RBFOX1: variants seen among roughly 807,000 people sequenced by gnomAD.
RBFOX1 encodes RNA binding protein fox-1 homolog 1.
In RBFOX1, 8 loss-of-function variants were observed where a neutral mutation model predicts 57.7. The observed-to-expected ratio is 0.14, with a 90% CI of 0.08 to 0.25. The LOEUF is 0.25. RBFOX1 is among the 10% of genes least tolerant of loss of function. The pLI, the probability that RBFOX1 is intolerant of heterozygous loss-of-function variation, is 1.00. For synonymous variants in RBFOX1, 326 were observed against 222.4 expected (o/e 1.47, Z -4.15); for missense variants, 611 against 548.5 (o/e 1.11, Z -1.14).
intron 1 of RBFOX1, among the ~76,000 whole-genome samples, chr16:6,307,508 A>G (rs1478669880): frequency 6.7e-6 from 1 of 149,586 alleles, no homozygotes; most frequent in Admixed American, 6.7e-5. Context: ...ATACATATGT[A>G]AATAATAGTC....
intron 3 of RBFOX1, among the ~76,000 whole-genome samples, chr16:6,944,469 C>A (rs1017783598): frequency 6.6e-6 from 1 of 151,542 alleles, no homozygotes; most frequent in Non-Finnish European, 1.5e-5. Context: ...CCCTGCCTTA[C>A]ATGACTTATC....
rs542332830 is a variant in RBFOX1, at chr16:5,449,836, G to T, written c.220-17380G>T. Among the ~76,000 whole-genome samples the T allele has an allele frequency of 3.9e-5, 6 of 152,152 alleles. No homozygotes were observed. The East Asian group carries it at 1.2e-3, about 29-fold the overall frequency. ...TTGCCCAGTCTGGTCTCAAACTCCCGGATTCAAGTGATCGTCCCACCTCAG... is the reference window on the plus strand; with the variant it reads ...TTGCCCAGTCTGGTCTCAAACTCCCTGATTCAAGTGATCGTCCCACCTCAG... On this transcript the variant is annotated intron_variant, in intron 1 of 2. Coordinates refer to the RBFOX1 transcript ENST00000585867.
intron 4 of RBFOX1, among the ~76,000 whole-genome samples, chr16:7,149,728 T>G (rs1408786703): frequency 2.0e-5 from 3 of 152,010 alleles, no homozygotes; most frequent in African/African-American, 7.2e-5. Context: ...GGCTCTTTCC[T>G]TCCCTCTCTA....
chr16:5,649,823 C>A (rs948832414), intron 3 of RBFOX1, among the ~76,000 whole-genome samples: 2 of 152,124 alleles, frequency 1.3e-5, no homozygotes, highest in Non-Finnish European at 2.9e-5. Flanking sequence ...GGATTTGATC[C>A]AGGTGTTTTC....
At chr16:6,888,713 A>G (rs1421509956) in intron 3 of RBFOX1, among the ~76,000 whole-genome samples, 1 of 152,162 alleles carries the variant, frequency 6.6e-6, no homozygotes, top group Non-Finnish European at 1.5e-5. Flanking sequence ...GGGGGAAGGG[A>G]GACCATTGTA....
chr16:7,316,037 C>G (rs1027121924), intron 4 of RBFOX1, among the ~76,000 whole-genome samples: 1 of 152,180 alleles, frequency 6.6e-6, no homozygotes, highest in Admixed American at 6.5e-5. Flanking sequence ...AAACAAACAT[C>G]CCTTTATTCT....
At chr16:5,313,831 G>A (rs565428804) in intron 1 of RBFOX1, among the ~76,000 whole-genome samples, 2 of 151,352 alleles carry the variant, frequency 1.3e-5, no homozygotes, top group East Asian at 3.9e-4. Flanking sequence ...TACAATCAAA[G>A]ATGAGATTTG....
chr16:7,613,231 G>A (rs556763972), intron 10 of RBFOX1, among the ~76,000 whole-genome samples: 1 of 152,136 alleles, frequency 6.6e-6, no homozygotes, highest in Non-Finnish European at 1.5e-5. Context: ...GGATACTCCT[G>A]AAAAGAACAA....
At chr16:6,866,615 C>G (rs112700127) in intron 3 of RBFOX1, among the ~76,000 whole-genome samples, 29,356 of 134,930 alleles carry the variant, frequency 0.22, 3,140 homozygotes, top group East Asian at 0.32. Flanking sequence ...GATCTCGGCT[C>G]ACTGCAAGCT....
At chr16:5,960,684 A>T (rs777602925) in intron 4 of RBFOX1, among the ~76,000 whole-genome samples, 5 of 152,134 alleles carry the variant, frequency 3.3e-5, no homozygotes, top group Admixed American at 6.5e-5. Flanking sequence ...GGTTTCCCTG[A>T]AAGAGTTTTC....
chr16:5,645,019 T>A (rs1309306045), intron 3 of RBFOX1, among the ~76,000 whole-genome samples: 1 of 151,610 alleles, frequency 6.6e-6, no homozygotes, highest in Admixed American at 6.6e-5. Context: ...GTGGATCACT[T>A]GAAGTCAGGC....
At chr16:5,892,605 C>CA (rs1446676139) in intron 4 of RBFOX1, among the ~76,000 whole-genome samples, 11 of 152,236 alleles carry the variant, frequency 7.2e-5, no homozygotes, top group African/African-American at 2.6e-4. Context: ...TTTTGTGAAA[C>CA]AGTGAATGGT....
intron 1 of RBFOX1, among the ~76,000 whole-genome samples, chr16:5,419,321 C>G (rs1434872456): frequency 1.3e-5 from 2 of 152,138 alleles, no homozygotes; most frequent in African/African-American, 4.8e-5. Flanking sequence ...AGCTGAAGAA[C>G]TTGGAGTCTG....
At chr16:7,583,104 G>A (rs1288915188) in intron 6 of RBFOX1, among the ~76,000 whole-genome samples, 4 of 150,672 alleles carry the variant, frequency 2.7e-5, no homozygotes, top group Non-Finnish European at 4.4e-5. Flanking sequence ...TCTACTCATT[G>A]GAAGCATTTG....
At chr16:6,943,430 C>A (rs375188063) in intron 3 of RBFOX1, among the ~76,000 whole-genome samples, 2 of 152,094 alleles carry the variant, frequency 1.3e-5, no homozygotes, top group South Asian at 2.1e-4. Flanking sequence ...GCCTGTGGGC[C>A]GGGCGTGGTG....
intron 5 of RBFOX1, among the ~76,000 whole-genome samples, chr16:7,557,512 C>T (rs944557849): frequency 1.3e-5 from 2 of 148,658 alleles, no homozygotes; most frequent in African/African-American, 2.5e-5. Flanking sequence ...CCCACCTACT[C>T]GAGAGGCTGA....
At chr16:5,588,208 G>A (rs1030901868) in intron 2 of RBFOX1, among the ~76,000 whole-genome samples, 3 of 152,148 alleles carry the variant, frequency 2.0e-5, no homozygotes, top group African/African-American at 4.8e-5. Context: ...CTGTGGGAAT[G>A]GGGGGATGGG....
chr16:7,364,062 C>G (rs2097385307), intron 4 of RBFOX1, among the ~76,000 whole-genome samples: 1 of 152,182 alleles, frequency 6.6e-6, no homozygotes, highest in Admixed American at 6.5e-5. Flanking sequence ...CTTTGGGACT[C>G]CCAAGTCCTA....
chr16:7,373,225 G>A lies in RBFOX1; in HGVS notation c.28-144922G>A, dbSNP rs185816101. Among the ~76,000 whole-genome samples, 368 of 152,172 alleles carry A rather than the reference G, an allele frequency of 2.4e-3. 1 individual carries two copies. Among genetic ancestry groups the A allele is most frequent in the Middle Eastern group, 0.02 (6 of 294 alleles). The stretch of plus-strand genomic sequence containing the variant: ...TGGGATTACAGGTGTGAGCCACCGC[G>A]TCTGGCTGAAATTGCATTACTTTTA... On this transcript the variant is annotated intron_variant, in intron 4 of 15. Coordinates refer to ENST00000550418, the MANE Select transcript of RBFOX1 (RefSeq NM_018723.4).
Sources: allele counts gnomAD v4.1 joint callset (sites outside exome capture counted in the v4.1 genomes callset), GRCh38; gene constraint gnomAD v4.1.1; transcripts MANE v1.5; gene names NCBI Gene and HGNC (gene_info 2026-07-23, HGNC 2026-07-21).